Variants in CAMTA1 observed in about 807,000 individuals in gnomAD.
CAMTA1 encodes calmodulin-binding transcription activator 1.
Under a neutral mutation model 170.9 loss-of-function variants are expected in CAMTA1, and 27 were observed. That is an observed-to-expected ratio of 0.16 (90% CI 0.12 to 0.22). The LOEUF (loss-of-function observed/expected upper bound fraction) is 0.22. Among genes scored for constraint, CAMTA1 ranks in the 10% least tolerant of loss-of-function variants. The pLI, the probability that CAMTA1 is intolerant of heterozygous loss-of-function variation, is 1.00. For synonymous variants in CAMTA1, 833 were observed against 891.5 expected, an observed-to-expected ratio of 0.93 and a Z score of 1.17; for missense variants, 1,619 against 2,217.2, an observed-to-expected ratio of 0.73 and a Z score of 5.42.
chr1:7,286,354 G>C lies in CAMTA1; in HGVS notation c.438+36728G>C, dbSNP rs904660731. 1.3e-5 allele frequency among the ~76,000 whole-genome samples: 2 copies of C among 152,198 alleles called. No individual in the cohort carries two copies. The highest frequency in any genetic ancestry group is 4.8e-5 in the African/African-American group (2 of 41,450). Reference sequence around the variant, plus strand: ...ACGATTCTTGATTTGAGGTCTATGGGTGGTCCTGGAAGATCGTCATGGGGG... The same window carrying C: ...ACGATTCTTGATTTGAGGTCTATGGCTGGTCCTGGAAGATCGTCATGGGGG... On this transcript the variant is annotated intron_variant, in intron 5 of 22. Coordinates refer to ENST00000303635, the MANE Select transcript of CAMTA1 (RefSeq NM_015215.4). The surrounding 1 kb of genome is among the most constrained non-coding windows in gnomAD (Gnocchi z 4.2).
chr1:7,737,497 C>T lies in CAMTA1; in HGVS notation c.3585C>T (p.Ala1195=), dbSNP rs1205875415. ...SEEPSTESWM[A]QWHSEAISSP... is the part of the protein sequence containing the mutation. ...AGCCCAGCACAGAGAGCTGGATGGC[C>T]CAGTGGCACAGCGAAGCCATCAGCT... The change falls in exon 15 of 23, where the codon GCC becomes GCT. Residue 1195 remains alanine (A), a synonymous_variant. Transcript: ENST00000303635. 1 of 1,613,982 alleles carries T rather than the reference C, an allele frequency of 6.2e-7. No individual in the cohort carries two copies. Among genetic ancestry groups the T allele is most frequent in the Non-Finnish European group, 8.5e-7 (1 of 1,180,032 alleles).
At chr1:7,654,150 G>A (rs373502749) in intron 7 of CAMTA1, among the ~76,000 whole-genome samples, 1 of 151,966 alleles carries the variant, frequency 6.6e-6, no homozygotes, top group African/African-American at 2.4e-5. Flanking sequence ...GGAGGCCGAG[G>A]TGGGTGTATC....
intron 3 of CAMTA1, among the ~76,000 whole-genome samples, chr1:6,842,934 AAAG>A (rs1656477047): frequency 6.6e-6 from 1 of 152,188 alleles, no homozygotes; most frequent in African/African-American, 2.4e-5. Context: ...CAAAAAAAAA[AAAG>A]AAGGAAGCAA....
intron 4 of CAMTA1, among the ~76,000 whole-genome samples, chr1:7,123,991 A>G (rs1644790304): frequency 6.6e-6 from 1 of 152,158 alleles, no homozygotes; most frequent in Non-Finnish European, 1.5e-5. Context: ...GTCACCCCAC[A>G]GCTTCTCAGC....
chr1:7,109,955 A>G (rs1255857031), intron 4 of CAMTA1, among the ~76,000 whole-genome samples: 3 of 152,064 alleles, frequency 2.0e-5, no homozygotes, highest in Non-Finnish European at 4.4e-5. Flanking sequence ...TTGGTTTCTT[A>G]TGGGGGCAGA....
At chr1:7,452,042 G>T (rs1200927798) in intron 5 of CAMTA1, among the ~76,000 whole-genome samples, 1 of 152,232 alleles carries the variant, frequency 6.6e-6, no homozygotes, top group Non-Finnish European at 1.5e-5. Context: ...CACTGGGCTA[G>T]GCTACACAGA....
chr1:7,556,370 A>G (rs11120973), intron 6 of CAMTA1, among the ~76,000 whole-genome samples: 122,590 of 152,126 alleles, frequency 0.81, 49,982 homozygotes, highest in African/African-American at 0.94. Context: ...CTCCAGGTTC[A>G]GCAAGGCCCC....
At chr1:7,378,569 C>T (rs1261338865) in intron 5 of CAMTA1, among the ~76,000 whole-genome samples, 2 of 149,248 alleles carry the variant, frequency 1.3e-5, no homozygotes, top group African/African-American at 2.5e-5. Flanking sequence ...ACACAGAAAG[C>T]GGGTGGGTGG....
intron 21 of CAMTA1, among the ~76,000 whole-genome samples, chr1:7,754,663 G>A (rs1427378519): frequency 6.6e-6 from 1 of 152,130 alleles, no homozygotes; most frequent in African/African-American, 2.4e-5. Context: ...CTTATAAGAT[G>A]GATAACAAGA....
At chr1:6,854,808 A>G (rs937143198) in intron 3 of CAMTA1, among the ~76,000 whole-genome samples, 30 of 152,226 alleles carry the variant, frequency 2.0e-4, no homozygotes, top group Non-Finnish European at 4.0e-4. Context: ...GCAAAATCCA[A>G]TACCCATTCA....
At chr1:7,556,641 A>G (rs538730449) in intron 6 of CAMTA1, among the ~76,000 whole-genome samples, 9 of 151,972 alleles carry the variant, frequency 5.9e-5, no homozygotes, top group Admixed American at 2.0e-4. Context: ...GCCCCACCCC[A>G]CGCTCCAGAC....
chr1:7,095,676 C>G (rs1641995867), intron 4 of CAMTA1, among the ~76,000 whole-genome samples: 1 of 152,248 alleles, frequency 6.6e-6, no homozygotes, highest in South Asian at 2.1e-4. Flanking sequence ...GAACCAGGCT[C>G]CAGGCAAAGG....
chr1:7,133,678 G>A (rs540379008), intron 4 of CAMTA1, among the ~76,000 whole-genome samples: 10 of 152,118 alleles, frequency 6.6e-5, no homozygotes, highest in South Asian at 2.1e-4. Flanking sequence ...AGCAGCAGAC[G>A]TCCTCCGTGA....
chr1:7,008,480 G>A (rs1329817869), intron 3 of CAMTA1: 7 of 152,228 alleles, frequency 4.6e-5, no homozygotes, highest in African/African-American at 7.2e-5. Flanking sequence ...ATGAGAAGAC[G>A]TGCTGGTCTT....
chr1:7,047,628 G>A (rs1466474032), intron 3 of CAMTA1, among the ~76,000 whole-genome samples: 1 of 151,934 alleles, frequency 6.6e-6, no homozygotes, highest in Non-Finnish European at 1.5e-5. Context: ...TAACTGGCCA[G>A]TGTCTCCAAA....
chr1:6,945,404 A>C (rs1048680727), intron 3 of CAMTA1, among the ~76,000 whole-genome samples: 18 of 152,006 alleles, frequency 1.2e-4, no homozygotes, highest in Admixed American at 1.1e-3. Flanking sequence ...GCTGGAGTGC[A>C]GTGGTACAAT....
rs964640271 is a variant in CAMTA1, at chr1:7,682,820, G to A, written c.2914+5087G>A. 6.6e-6 allele frequency among the ~76,000 whole-genome samples: 1 copy of A among 152,176 alleles called. No individual in the cohort carries two copies. Among genetic ancestry groups the A allele is most frequent in the Non-Finnish European group, 1.5e-5 (1 of 68,024 alleles). On this transcript the variant is annotated intron_variant, in intron 11 of 22. Coordinates refer to ENST00000303635, the MANE Select transcript of CAMTA1 (RefSeq NM_015215.4). The surrounding 1 kb of genome is among the most constrained non-coding windows in gnomAD (Gnocchi z 5.0). ...CCTCAGATCCACCCAGCCCACCTCC[G>A]AGCAACCCTCAGCTGGCCCATGAAC...
intron 5 of CAMTA1, among the ~76,000 whole-genome samples, chr1:7,467,058 G>A (rs1439283871): frequency 6.6e-6 from 1 of 152,030 alleles, no homozygotes; most frequent in Admixed American, 6.5e-5. Context: ...TCACCAACAT[G>A]CCAGCCCCAA....
At chr1:7,301,270 G>A (rs1191998458) in intron 5 of CAMTA1, among the ~76,000 whole-genome samples, 1 of 152,140 alleles carries the variant, frequency 6.6e-6, no homozygotes, top group East Asian at 1.9e-4. Context: ...CTTCACCTGC[G>A]GTATTGCGAG....
Sources: allele counts gnomAD v4.1 joint callset (sites outside exome capture counted in the v4.1 genomes callset), GRCh38; gene constraint gnomAD v4.1.1; non-coding constraint Gnocchi (gnomAD v3.1); transcripts MANE v1.5; gene names NCBI Gene and HGNC (gene_info 2026-07-23, HGNC 2026-07-21).